Variants in NSL1 observed in about 807,000 individuals in gnomAD.
NSL1 encodes the protein NSL1 component of MIS12 kinetochore complex, also known as kinetochore-associated protein NSL1 homolog.
A neutral mutation model predicts 25.4 loss-of-function variants in NSL1; 11 were observed. The observed-to-expected ratio is 0.43, with a 90% confidence interval of 0.27 to 0.72. The LOEUF is 0.72. Among genes scored for constraint, NSL1 ranks in the 30% least tolerant of loss-of-function variants. The pLI is 0.19. For synonymous variants in NSL1, 118 were observed against 120.6 expected, an observed-to-expected ratio of 0.98 and a Z score of 0.14; for missense variants, 330 against 342.7, an observed-to-expected ratio of 0.96 and a Z score of 0.29.
At chr1:212,751,000 A>G (rs1361179226) in intron 4 of NSL1, among the ~76,000 whole-genome samples, 2 of 152,192 alleles carry the variant, frequency 1.3e-5, no homozygotes, top group Admixed American at 6.5e-5. Flanking sequence ...GCTATTCAAG[A>G]AAGAATATAC....
rs561150778 is a variant in NSL1 at position 212,738,197 on chromosome 1, T to G, written c.*211A>C. The G allele has an allele frequency of 7.7e-7, 1 of 1,302,074 alleles. No individual in the cohort carries two copies. Among genetic ancestry groups the G allele is most frequent in the East Asian group, 2.9e-5 (1 of 34,204 alleles). 80.7% of individuals were successfully genotyped at this position (1,302,074 alleles called of 1,614,324 possible). On this transcript the variant is annotated 3_prime_UTR_variant, in exon 6 of 6. Coordinates refer to ENST00000366977, the MANE Select transcript of NSL1 (RefSeq NM_015471.4). ...ACTGATGGGCTTTGTGTCAATACTT[T>G]TTAAAATGCTTTTTATTTACAATAG...
intron 4 of NSL1, among the ~76,000 whole-genome samples, chr1:212,762,516 C>T (rs1222791323): frequency 6.6e-6 from 1 of 152,118 alleles, no homozygotes; most frequent in Non-Finnish European, 1.5e-5. Flanking sequence ...GAGAGTCACA[C>T]TGTGAATTTT....
At chr1:212,743,665 G>C (rs1658613312) in intron 4 of NSL1, among the ~76,000 whole-genome samples, 1 of 151,954 alleles carries the variant, frequency 6.6e-6, no homozygotes, top group Middle Eastern at 3.2e-3. Flanking sequence ...AGATTCCAAA[G>C]GCCCATCCCT....
rs1156450269 is a variant in NSL1, at chr1:212,734,076, C to CT, written c.*4331dup. On this transcript the variant is annotated 3_prime_UTR_variant, in exon 6 of 6. Transcript: ENST00000366977. ...CTTTCATATTTTTAATTTTCAAAAA[C>CT]TTTTTCTTATTTACTGAACATTATT... is the stretch of plus-strand genomic sequence containing the variant. Among the ~76,000 whole-genome samples the CT allele has an allele frequency of 2.5e-4, 38 of 152,108 alleles. No homozygotes were observed. The highest frequency in any genetic ancestry group is 4.7e-4 in the Non-Finnish European group (32 of 68,008).
rs181575487 is a variant in NSL1 at position 212,735,436 on chromosome 1, G to T, written c.*2972C>A. On this transcript the variant is annotated 3_prime_UTR_variant, in exon 6 of 6. Coordinates refer to ENST00000366977, the MANE Select transcript of NSL1 (RefSeq NM_015471.4). ...AAAGAAAAAGTACATCTTACAAGATGAAATCATACTGTTTGAAGCAATAAA... is the reference window on the plus strand; with the variant it reads ...AAAGAAAAAGTACATCTTACAAGATTAAATCATACTGTTTGAAGCAATAAA... 7.1e-6 allele frequency: 7 copies of T among 985,280 alleles called. No homozygotes were observed. The highest frequency in any genetic ancestry group is 8.4e-6 in the Non-Finnish European group (7 of 829,912). 61.0% of individuals were successfully genotyped at this position (985,280 alleles called of 1,614,324 possible). A position where few individuals can be genotyped will look rare whatever the true frequency, so the allele number is the denominator to read the frequency against.
intron 1 of NSL1, among the ~76,000 whole-genome samples, chr1:212,790,187 G>C (rs1467986850): frequency 2.6e-5 from 4 of 151,556 alleles, no homozygotes; most frequent in Non-Finnish European, 5.9e-5. Flanking sequence ...CTAATTTTTT[G>C]TATTATTATT....
In NSL1 at chr1:212,735,023, CGCTATGAGGT is replaced by C. The variant is rs1658177731; in HGVS notation, c.*3375_*3384del. The stretch of plus-strand genomic sequence containing the variant: ...TGAACTCATTTACTTCTCAGAATAA[CGCTATGAGGT>C]AGGCATAATTATTATCCCCATTTTG... On this transcript the variant is annotated 3_prime_UTR_variant, in exon 6 of 6. Coordinates refer to ENST00000366977, the MANE Select transcript of NSL1 (RefSeq NM_015471.4). Among the ~76,000 whole-genome samples the C allele has an allele frequency of 6.6e-6, 1 of 152,198 alleles. No homozygotes were observed. Among genetic ancestry groups the C allele is most frequent in the Non-Finnish European group, 1.5e-5 (1 of 68,042 alleles).
intron 2 of NSL1, among the ~76,000 whole-genome samples, chr1:212,786,504 A>C (rs1660952813): frequency 6.6e-6 from 1 of 152,186 alleles, no homozygotes; most frequent in African/African-American, 2.4e-5. Context: ...ATAAAGCTAC[A>C]ATTAAAATGT....
chr1:212,730,492 T>C lies in NSL1; in HGVS notation c.*7916A>G. 9.1e-6 allele frequency: 9 copies of C among 985,328 alleles called. No individual in the cohort carries two copies. Among genetic ancestry groups the C allele is most frequent in the Non-Finnish European group, 1.1e-5 (9 of 829,910 alleles). 61.0% of individuals were successfully genotyped at this position (985,328 alleles called of 1,614,324 possible). ...GGAGCCATTCTCTGAGTAAGGCTAGTCAAGGTGATGATAGAAATGCCCAAT... is the reference window on the plus strand; with the variant it reads ...GGAGCCATTCTCTGAGTAAGGCTAGCCAAGGTGATGATAGAAATGCCCAAT... On this transcript the variant is annotated 3_prime_UTR_variant, in exon 6 of 6. Transcript: ENST00000366977.
At chr1:212,739,237 C>G (rs1013499624) in intron 5 of NSL1, among the ~76,000 whole-genome samples, 4 of 152,136 alleles carry the variant, frequency 2.6e-5, no homozygotes, top group African/African-American at 9.7e-5. Flanking sequence ...ACCAATTATT[C>G]AATACATTTT....
At chr1:212,756,689 G>A (rs1161838209) in intron 4 of NSL1, among the ~76,000 whole-genome samples, 2 of 152,008 alleles carry the variant, frequency 1.3e-5, no homozygotes, top group African/African-American at 2.4e-5. Flanking sequence ...GTGTGATGGC[G>A]GGTGCCTGTA....
chr1:212,727,178 T>G lies in NSL1; in HGVS notation c.*11230A>C. The G allele has an allele frequency of 6.4e-7, 1 of 1,562,266 alleles. No homozygotes were observed. ...CTAGAGCTAGTCCACCAGGCTTGGC[T>G]CCTAATGTGTTAAATGGGGGTGAAT... is the stretch of plus-strand genomic sequence containing the variant. On this transcript the variant is annotated 3_prime_UTR_variant, in exon 6 of 6. Transcript: ENST00000366977.
At chr1:212,775,062 A>AT (rs1234360891) in intron 4 of NSL1, among the ~76,000 whole-genome samples, 1 of 152,250 alleles carries the variant, frequency 6.6e-6, no homozygotes, top group East Asian at 1.9e-4. Flanking sequence ...TTATTTTGCA[A>AT]TAAAAAGAAA....
chr1:212,726,625 T>A lies in NSL1; in HGVS notation c.*11783A>T, dbSNP rs1253684023. The A allele has an allele frequency of 6.5e-6, 1 of 152,982 alleles. No individual in the cohort carries two copies. Among genetic ancestry groups the A allele is most frequent in the Non-Finnish European group, 1.5e-5 (1 of 68,666 alleles). The allele number at this position is 152,982 out of a possible 1,614,324, so 9.5% of individuals were successfully genotyped here. The stretch of plus-strand genomic sequence containing the variant: ...CTGGTTTATTGAATTTGTTCTAGGC[T>A]TGTGTCCCCCACCGACCACCTGGCT... On this transcript the variant is annotated 3_prime_UTR_variant, in exon 6 of 6. Transcript: ENST00000366977.
In NSL1 at chr1:212,728,251, T is replaced by C. The variant is rs1272251309; in HGVS notation, c.*10157A>G. The C allele has an allele frequency of 3.1e-6, 3 of 962,298 alleles. No homozygotes were observed. The highest frequency in any genetic ancestry group is 3.5e-5 in the African/African-American group (2 of 56,718). 59.6% of individuals were successfully genotyped at this position (962,298 alleles called of 1,614,324 possible). On this transcript the variant is annotated 3_prime_UTR_variant, in exon 6 of 6. Transcript: ENST00000366977. Reference sequence around the variant, plus strand: ...TTATATTGATATTACCTTCAGCAAATAAGTTGATAACATTATATATGTAAA... The same window carrying C: ...TTATATTGATATTACCTTCAGCAAACAAGTTGATAACATTATATATGTAAA...
chr1:212,788,817 C>T (rs947024644), intron 1 of NSL1, among the ~76,000 whole-genome samples: 1 of 152,164 alleles, frequency 6.6e-6, no homozygotes, highest in Non-Finnish European at 1.5e-5. Flanking sequence ...AGGATGAAGA[C>T]AAGCTCTACG....
intron 4 of NSL1, among the ~76,000 whole-genome samples, chr1:212,777,947 CAAG>C (rs1363345266): frequency 9.9e-5 from 15 of 152,168 alleles, no homozygotes; most frequent in Admixed American, 3.3e-4. Context: ...AAGAGTGAAA[CAAG>C]AAGACCTTCT....
intron 4 of NSL1, among the ~76,000 whole-genome samples, chr1:212,750,062 A>G (rs1449741827): frequency 6.6e-6 from 1 of 151,566 alleles, no homozygotes; most frequent in African/African-American, 2.4e-5. Context: ...TGGCATTCTC[A>G]TTTAGCTTCC....
chr1:212,791,083 T>C (rs182057956), intron 1 of NSL1, among the ~76,000 whole-genome samples: 4 of 152,320 alleles, frequency 2.6e-5, no homozygotes, highest in Admixed American at 1.3e-4. Context: ...CTAGCCACTT[T>C]GTAGTTACTG....
Sources: gnomAD v4.1 joint callset for allele counts (sites outside exome capture counted in the v4.1 genomes callset) on GRCh38, gnomAD v4.1.1 for gene constraint, MANE v1.5 for transcripts, NCBI Gene and HGNC (gene_info 2026-07-23, HGNC 2026-07-21) for gene names.